Variants in ADCY10 observed in about 807,000 individuals in gnomAD.
ADCY10 encodes adenylate cyclase 10, also known as adenylate cyclase type 10.
ADCY10 carries 156 observed loss-of-function variants against 183.3 expected under a neutral mutation model. The observed-to-expected ratio is 0.85, with a 90% CI of 0.75 to 0.97. ADCY10 has a LOEUF of 0.97. ADCY10 is among the 50% of genes least tolerant of loss of function. The pLI is 0.00. For missense variants in ADCY10, 1,745 were observed against 1,934.3 expected (o/e 0.90, Z 1.84); for synonymous variants, 645 against 670.0 (o/e 0.96, Z 0.58).
intron 21 of ADCY10, among the ~76,000 whole-genome samples, chr1:167,843,352 A>C (rs917678757): frequency 6.6e-6 from 1 of 152,098 alleles, no homozygotes; most frequent in Non-Finnish European, 1.5e-5. Flanking sequence ...GTGTGTGTAC[A>C]TGTGTATGTG....
chr1:167,876,118 G>A (rs927882020), intron 12 of ADCY10, among the ~76,000 whole-genome samples: 4 of 152,002 alleles, frequency 2.6e-5, no homozygotes, highest in African/African-American at 7.2e-5. Context: ...TTAGCTGGGC[G>A]TGGTGGCTTG....
intron 17 of ADCY10, among the ~76,000 whole-genome samples, chr1:167,855,732 C>T (rs1665842413): frequency 6.6e-6 from 1 of 152,188 alleles, no homozygotes; most frequent in Non-Finnish European, 1.5e-5. Flanking sequence ...GTGGACCAGA[C>T]CAAGCATGGT....
intron 7 of ADCY10, among the ~76,000 whole-genome samples, chr1:167,896,212 G>C (rs1382380056): frequency 1.3e-5 from 2 of 152,078 alleles, no homozygotes; most frequent in Admixed American, 6.6e-5. Context: ...AATATTTATT[G>C]GATGAATAAA....
intron 8 of ADCY10, among the ~76,000 whole-genome samples, chr1:167,893,339 C>G (rs1306718769): frequency 6.6e-6 from 1 of 152,126 alleles, no homozygotes; most frequent in African/African-American, 2.4e-5. Context: ...TGCCTGTTGT[C>G]ATATTATAAT....
At position 167,809,757 on chromosome 1, in the gene ADCY10, A is replaced by G. The variant is rs201210676; in HGVS notation, c.4754T>C (p.Val1585Ala). The G allele has an allele frequency of 8.5e-5, 137 of 1,614,064 alleles. No individual in the cohort carries two copies. The highest frequency in any genetic ancestry group is 5.8e-5 in the Non-Finnish European group (68 of 1,180,024). The part of the protein sequence containing the change: ...ILSLPSWEKI[V>A]AGRVNIQDLQ... ...ATCCTGAATGTTTACCCTGCCTGCT[A>G]CAATTTTTTCCCATGATGGGAGACT... The change falls in exon 33 of 33, where the codon GTA (valine) becomes GCA (alanine). Residue 1585 changes from valine to alanine, a missense_variant. Val to Ala is a moderately conservative substitution (Grantham distance 64). Coordinates refer to ENST00000367851, the MANE Select transcript of ADCY10 (RefSeq NM_018417.6).
chr1:167,811,480 A>G (rs948616550), intron 31 of ADCY10, among the ~76,000 whole-genome samples: 8 of 152,166 alleles, frequency 5.3e-5, no homozygotes, highest in Non-Finnish European at 8.8e-5. Flanking sequence ...CCAGCTACTC[A>G]GGAGGCTGAG....
chr1:167,853,562 C>A (rs1247304914), intron 18 of ADCY10, among the ~76,000 whole-genome samples: 1 of 152,160 alleles, frequency 6.6e-6, no homozygotes, highest in Non-Finnish European at 1.5e-5. Flanking sequence ...TAATTCTCTG[C>A]TTTCCAACTT....
chr1:167,859,790 C>CTCTTA lies in ADCY10; in HGVS notation c.1896+16_1896+17insTAAGA. 1 of 1,601,622 alleles carries CTCTTA rather than the reference C, an allele frequency of 6.2e-7. No individual in the cohort carries two copies. The highest frequency in any genetic ancestry group is 8.6e-7 in the Non-Finnish European group (1 of 1,168,726). ...CAGTTTTCTTCCCCCTACTTCTTGA[C>CTCTTA]CCACAGATGCTCTTACCAGCTTCAA... On this transcript the variant is annotated intron_variant, in intron 16 of 32. Transcript: ENST00000367851.
At position 167,854,359 on chromosome 1, in the gene ADCY10, G is replaced by A; in HGVS notation, c.2302C>T (p.Leu768=). ...CCATCACCGCAGGACTTACTGAACA[G>A]GTTATTCCAGGTCCTATTTGTCTTT... ...EEKTNRTWNN[L]FKYSIKLTEK... Residue 768 remains leucine (L), a synonymous_variant, in exon 18 of 33, where the codon CTG becomes TTG. Transcript: ENST00000367851. 1 of 1,614,158 alleles carries A rather than the reference G, an allele frequency of 6.2e-7. No homozygotes were observed. Among genetic ancestry groups the A allele is most frequent in the East Asian group, 2.2e-5 (1 of 44,888 alleles).
At chr1:167,853,988 A>G (rs1449104200) in intron 18 of ADCY10, among the ~76,000 whole-genome samples, 2 of 151,692 alleles carry the variant, frequency 1.3e-5, no homozygotes, top group African/African-American at 4.8e-5. Context: ...ACAAGCACCC[A>G]CCACCACACC....
At chr1:167,864,797 C>A (rs1383586159) in intron 14 of ADCY10, among the ~76,000 whole-genome samples, 5 of 151,652 alleles carry the variant, frequency 3.3e-5, no homozygotes, top group Non-Finnish European at 7.4e-5. Flanking sequence ...GGGCGTATCC[C>A]GAAAGCACTG....
At chr1:167,863,346 C>T (rs1276207810) in intron 14 of ADCY10, among the ~76,000 whole-genome samples, 1 of 152,126 alleles carries the variant, frequency 6.6e-6, no homozygotes, top group Non-Finnish European at 1.5e-5. Flanking sequence ...TCACTGTGAC[C>T]ACCGGTGCTC....
chr1:167,823,260 A>G (rs1663037192), intron 28 of ADCY10, 137 bp from the exon 29 acceptor site: 1 of 663,422 alleles, frequency 1.5e-6, no homozygotes, highest in South Asian at 1.5e-5. Flanking sequence ...CCCCATCTCC[A>G]CTAAAAATAC....
chr1:167,899,799 T>A (rs994441303), intron 5 of ADCY10, among the ~76,000 whole-genome samples, 171 bp from the exon 6 acceptor site: 3 of 152,208 alleles, frequency 2.0e-5, no homozygotes, highest in African/African-American at 7.2e-5. Context: ...GCTCGGGCCT[T>A]CCAAAGCTCC....
At chr1:167,842,700 T>TAAC (rs1664744239) in intron 21 of ADCY10, among the ~76,000 whole-genome samples, 1 of 152,148 alleles carries the variant, frequency 6.6e-6, no homozygotes, top group Non-Finnish European at 1.5e-5. Context: ...ATAGTCTTAA[T>TAAC]AATGTAAACA....
Position 167,842,585 on chromosome 1 carries a change from A to T in ADCY10, c.3007+2978T>A, listed in dbSNP as rs559326319. On this transcript the variant is annotated intron_variant, in intron 21 of 32. Transcript: ENST00000367851. ...ATTAAAGCAGGATATTTTAAGGAAG[A>T]CACTGCAAAAAAAAAAACGTTTCCT... is the stretch of plus-strand genomic sequence containing the variant. Among the ~76,000 whole-genome samples the T allele has an allele frequency of 3.9e-3, 337 of 87,490 alleles. 4 individuals carry two copies. Among genetic ancestry groups the T allele is most frequent in the African/African-American group, 0.022 (321 of 14,618 alleles). The allele number at this position is 87,490 out of a possible 152,430, so 57.4% of individuals were successfully genotyped here.
intron 1 of ADCY10, among the ~76,000 whole-genome samples, chr1:167,912,140 T>G (rs1323404374): frequency 6.6e-6 from 1 of 152,238 alleles, no homozygotes; most frequent in Admixed American, 6.5e-5. Context: ...CACATTGTAA[T>G]TATAATTTAT....
Position 167,853,830 on chromosome 1 carries a change from C to CTTTTTT in ADCY10, c.2308+517_2308+522dup, listed in dbSNP as rs538462140. ...TGTTCTTTCATTTCTACTATAGTTA[C>CTTTTTT]TTTTTTTTTTTTTTTTTTTTTTTTT... is the stretch of plus-strand genomic sequence containing the variant. On this transcript the variant is annotated intron_variant, in intron 18 of 32. Transcript: ENST00000367851. 1.4e-3 allele frequency among the ~76,000 whole-genome samples: 107 copies of CTTTTTT among 77,184 alleles called. 15 individuals carry two copies. Among genetic ancestry groups the CTTTTTT allele is most frequent in the African/African-American group, 5.5e-3 (99 of 18,126 alleles). 50.6% of individuals were successfully genotyped at this position (77,184 alleles called of 152,430 possible).
At chr1:167,820,377 G>T (rs1571215220) in intron 30 of ADCY10, 4 of 589,430 alleles carry the variant, frequency 6.8e-6, no homozygotes, top group East Asian at 3.2e-5. Context: ...GCCTCGCCTA[G>T]CCCGCCTGGC....
Sources: allele counts gnomAD v4.1 joint callset (sites outside exome capture counted in the v4.1 genomes callset), GRCh38; gene constraint gnomAD v4.1.1; transcripts MANE v1.5; gene names NCBI Gene and HGNC (gene_info 2026-07-23, HGNC 2026-07-21).